The following POC1A variants were observed in gnomAD, a reference collection of about 807,000 sequenced individuals.
POC1A encodes the protein POC1 centriolar protein A, also known as POC1 centriolar protein homolog A.
In POC1A, 34 loss-of-function variants were observed where a neutral mutation model predicts 47.8. The observed-to-expected ratio is 0.71, with a 90% CI of 0.54 to 0.95. The LOEUF is 0.95. POC1A is among the 40% of genes least tolerant of loss of function. The probability of loss-of-function intolerance (pLI) is 0.00; values close to 1 mark genes in which losing one functional copy is unlikely to be tolerated. For missense variants in POC1A, 466 were observed against 528.3 expected, an observed-to-expected ratio of 0.88 and a Z score of 1.16; for synonymous variants, 177 against 207.6, an observed-to-expected ratio of 0.85 and a Z score of 1.27.
chr3:52,148,993 AC>A lies in POC1A; in HGVS notation c.455+216del, dbSNP rs1232265769. The stretch of plus-strand genomic sequence containing the variant: ...GGTCATCATGGCTGACTATGGACTA[AC>A]TTACATGTCATGCATCAGCTCCATG... On this transcript the variant is annotated intron_variant, in intron 4 of 10. Coordinates refer to ENST00000296484, the MANE Select transcript of POC1A (RefSeq NM_015426.5). 2.6e-5 allele frequency among the ~76,000 whole-genome samples: 4 copies of A among 152,314 alleles called. No individual in the cohort carries two copies. In the East Asian group the frequency reaches 7.7e-4, roughly 29 times the overall value.
intron 9 of POC1A, among the ~76,000 whole-genome samples, chr3:52,105,693 T>C (rs1023703274): frequency 6.6e-6 from 1 of 152,192 alleles, no homozygotes; most frequent in Non-Finnish European, 1.5e-5. Flanking sequence ...AACTTCTGAT[T>C]CCAAACATAG....
In POC1A at chr3:52,117,360, A is replaced by G. The variant is rs1703605234; in HGVS notation, c.981+5019T>C. 2.0e-5 allele frequency among the ~76,000 whole-genome samples: 3 copies of G among 152,148 alleles called. No individual in the cohort carries two copies. In the South Asian group the frequency reaches 6.2e-4, roughly 32 times the overall value. On this transcript the variant is annotated intron_variant, in intron 9 of 10. Transcript: ENST00000296484. ...AGAGTGAGACCCTGACTCAAAAAAA[A>G]TAGCTAAAGCTTGATGAGCACTTGT...
At chr3:52,150,589 G>T (rs1428812642) in intron 2 of POC1A, among the ~76,000 whole-genome samples, 2 of 152,078 alleles carry the variant, frequency 1.3e-5, no homozygotes, top group Non-Finnish European at 2.9e-5. Context: ...GGGGTCGAGG[G>T]GGGTGCCCAT....
chr3:52,149,539 C>T (rs1698483289), intron 3 of POC1A, 150 bp from the exon 4 acceptor site: 1 of 706,766 alleles, frequency 1.4e-6, no homozygotes, highest in African/African-American at 1.8e-5. Flanking sequence ...GCCAGAGCCT[C>T]TCCTATATGA....
chr3:52,113,645 T>C (rs1703458455), intron 9 of POC1A, among the ~76,000 whole-genome samples: 1 of 152,098 alleles, frequency 6.6e-6, no homozygotes. Context: ...GAGGTTGCAG[T>C]GAACTAAGAT....
At chr3:52,140,932 G>A (rs989626564) in intron 6 of POC1A, among the ~76,000 whole-genome samples, 1 of 152,234 alleles carries the variant, frequency 6.6e-6, no homozygotes, top group Non-Finnish European at 1.5e-5. Flanking sequence ...AGCGCCAAAT[G>A]TCTGAGCATG....
In POC1A at chr3:52,087,671, T is replaced by G. The variant is rs532678093; in HGVS notation, c.1125+8898A>C. On this transcript the variant is annotated intron_variant, in intron 10 of 10. Coordinates refer to ENST00000296484, the MANE Select transcript of POC1A (RefSeq NM_015426.5). ...CTCATGGCTTAAAAACAACTCCTTT[T>G]AAATGAACACAGCTCTCTTTTCCAT... is the stretch of plus-strand genomic sequence containing the variant. Among the ~76,000 whole-genome samples, 6 of 152,306 alleles carry G rather than the reference T, an allele frequency of 3.9e-5. No individual in the cohort carries two copies. The South Asian group carries it at 1.2e-3, about 32-fold the overall frequency.
Position 52,096,670 on chromosome 3 carries a change from C to T in POC1A, c.1024G>A (p.Val342Met), listed in dbSNP as rs757078176. 4 of 1,609,732 alleles carry T rather than the reference C, an allele frequency of 2.5e-6. No homozygotes were observed. The highest frequency in any genetic ancestry group is 3.4e-6 in the Non-Finnish European group (4 of 1,178,332). ...TGGGGCTGGCTCTGCACAGACTCCACACTCCTGCCTCTGCCTGGGGGGACA... is the reference window on the plus strand; with the variant it reads ...TGGGGCTGGCTCTGCACAGACTCCATACTCCTGCCTCTGCCTGGGGGGACA... ...FPVPPGRGRS[V>M]ESVQSQPQEP... Residue 342 changes from valine to methionine, a missense_variant, in exon 10 of 11, where the codon GTG becomes ATG. Val to Met is a conservative substitution (Grantham distance 21). Transcript: ENST00000296484.
intron 6 of POC1A, among the ~76,000 whole-genome samples, chr3:52,140,187 C>T (rs533689272): frequency 1.3e-5 from 2 of 152,246 alleles, no homozygotes; most frequent in African/African-American, 4.8e-5. Context: ...GCCGATGTGC[C>T]GGGGAGTCTG....
At chr3:52,146,567 C>G (rs1478861228) in intron 5 of POC1A, among the ~76,000 whole-genome samples, 1 of 152,226 alleles carries the variant, frequency 6.6e-6, no homozygotes, top group Non-Finnish European at 1.5e-5. Context: ...CCACCATCTG[C>G]TACAAGAACC....
At chr3:52,089,449 A>G (rs1702571464) in intron 10 of POC1A, among the ~76,000 whole-genome samples, 1 of 152,154 alleles carries the variant, frequency 6.6e-6, no homozygotes, top group Non-Finnish European at 1.5e-5. Context: ...ACCCCCACAA[A>G]GAAGTTCAGG....
Position 52,080,001 on chromosome 3 carries a change from C to T in POC1A, c.1126-4016G>A, listed in dbSNP as rs147971032. 6.2e-4 allele frequency among the ~76,000 whole-genome samples: 94 copies of T among 152,266 alleles called. 1 individual carries two copies. Among genetic ancestry groups the T allele is most frequent in the Admixed American group, 3.7e-3 (56 of 15,294 alleles). Reference sequence around the variant, plus strand: ...GGAGGTCCTGGGACTGGGCTCAGGGCGGTTCACCCTGATCATTGACCCTCT... The same window carrying T: ...GGAGGTCCTGGGACTGGGCTCAGGGTGGTTCACCCTGATCATTGACCCTCT... On this transcript the variant is annotated intron_variant, in intron 10 of 10. Transcript: ENST00000296484.
At chr3:52,081,139 G>A (rs962429255) in intron 10 of POC1A, among the ~76,000 whole-genome samples, 4 of 152,182 alleles carry the variant, frequency 2.6e-5, no homozygotes, top group African/African-American at 9.7e-5. Context: ...GTTTGCCATC[G>A]AATGTATTCT....
intron 9 of POC1A, among the ~76,000 whole-genome samples, chr3:52,114,106 T>C (rs1703476287): frequency 2.6e-5 from 4 of 152,248 alleles, no homozygotes; most frequent in Non-Finnish European, 4.4e-5. Context: ...CAGACCAGCA[T>C]ACTAGGGCAG....
chr3:52,145,876 G>A lies in POC1A; in HGVS notation c.649C>T (p.Arg217Trp), dbSNP rs372247136. 9.9e-6 allele frequency: 16 copies of A among 1,613,300 alleles called. No homozygotes were observed. The Admixed American group carries it at 1.8e-4, about 18-fold the overall frequency. ...MDNTVKVWDV[R>W]THRLLQHYQL... ...TAATGCTGCAGCAGCCGGTGAGTCC[G>A]CACGTCCCACACCTTCACTGTGTTG... is the stretch of plus-strand genomic sequence containing the variant. Residue 217 changes from arginine (R) to tryptophan (W), a missense_variant, in exon 6 of 11, where the codon CGG (arginine) becomes TGG (tryptophan). By Grantham distance (101) the Arg-to-Trp change is moderately radical. Coordinates refer to ENST00000296484, the MANE Select transcript of POC1A (RefSeq NM_015426.5).
At chr3:52,102,026 T>C (rs200550275) in intron 9 of POC1A, among the ~76,000 whole-genome samples, 3 of 152,348 alleles carry the variant, frequency 2.0e-5, no homozygotes, top group East Asian at 3.8e-4. Flanking sequence ...TGTCTTTTTT[T>C]CTCTGGCTAC....
Position 52,079,214 on chromosome 3 carries a change from G to A in POC1A, c.1126-3229C>T, listed in dbSNP as rs1259756731. Among the ~76,000 whole-genome samples the A allele has an allele frequency of 6.6e-6, 1 of 152,246 alleles. No individual in the cohort carries two copies. The highest frequency in any genetic ancestry group is 1.5e-5 in the Non-Finnish European group (1 of 68,046). ...GCACATCCCCACATACCCATACGAG[G>A]GTTCAGAAAATACATGCTACCTCGG... is the stretch of plus-strand genomic sequence containing the variant. On this transcript the variant is annotated intron_variant, in intron 10 of 10. Coordinates refer to ENST00000296484, the MANE Select transcript of POC1A (RefSeq NM_015426.5). This position sits in a 1 kb window ranked among gnomAD's most constrained non-coding sequence, Gnocchi z 4.6.
In POC1A at chr3:52,090,816, G is replaced by A. The variant is rs545905080; in HGVS notation, c.1125+5753C>T. 3.3e-5 allele frequency among the ~76,000 whole-genome samples: 5 copies of A among 152,000 alleles called. No homozygotes were observed. Among genetic ancestry groups the A allele is most frequent in the African/African-American group, 1.2e-4 (5 of 41,474 alleles). On this transcript the variant is annotated intron_variant, in intron 10 of 10. Coordinates refer to ENST00000296484, the MANE Select transcript of POC1A (RefSeq NM_015426.5). The surrounding 1 kb of genome is among the most constrained non-coding windows in gnomAD (Gnocchi z 4.2). ...GGCAGGCCTAGCAGCCTCGGGGTCC[G>A]GCCTAGAGTCCTCCAGGGGTGCTCA...
intron 10 of POC1A, among the ~76,000 whole-genome samples, chr3:52,086,169 A>G (rs993638267): frequency 3.3e-5 from 5 of 152,188 alleles, no homozygotes; most frequent in African/African-American, 4.8e-5. Context: ...CAGGAGCCAG[A>G]TAACTGGGCC....
Sources: gnomAD v4.1 joint callset for allele counts (sites outside exome capture counted in the v4.1 genomes callset) on GRCh38, gnomAD v4.1.1 for gene constraint, Gnocchi (gnomAD v3.1) non-coding constraint, MANE v1.5 for transcripts, NCBI Gene and HGNC (gene_info 2026-07-23, HGNC 2026-07-21) for gene names.